ELFN2: variants seen among roughly 807,000 people sequenced by gnomAD.
ELFN2 encodes the protein extracellular leucine rich repeat and fibronectin type III domain containing 2, also known as protein phosphatase 1 regulatory subunit 29.
ELFN2 carries 17 observed loss-of-function variants against 45.5 expected under a neutral mutation model. The ratio of observed to expected loss-of-function variants is 0.37; its 90% confidence interval spans 0.26 to 0.56. ELFN2 has a LOEUF of 0.56. Among genes scored for constraint, ELFN2 ranks in the 20% least tolerant of loss-of-function variants. The pLI, the probability that ELFN2 is intolerant of heterozygous loss-of-function variation, is 0.77. For missense variants in ELFN2, 922 were observed against 1,183.2 expected, an observed-to-expected ratio of 0.78 and a Z score of 3.24; for synonymous variants, 550 against 551.5, an observed-to-expected ratio of 1.00 and a Z score of 0.04.
intron 1 of ELFN2, among the ~76,000 whole-genome samples, chr22:37,419,136 T>C (rs1932789585): frequency 6.7e-6 from 1 of 150,290 alleles, no homozygotes; most frequent in Non-Finnish European, 1.5e-5. Context: ...CAACGGAAAA[T>C]AAACACACAC....
chr22:37,412,944 C>G (rs1338173239), intron 2 of ELFN2, among the ~76,000 whole-genome samples: 1 of 152,220 alleles, frequency 6.6e-6, no homozygotes, highest in African/African-American at 2.4e-5. Context: ...CCTCCCCTCT[C>G]CCTTCCCTTG....
rs1931412257 is a variant in ELFN2, at chr22:37,372,860, C to T, written c.*212G>A. 1.7e-6 allele frequency: 1 copy of T among 574,088 alleles called. No homozygotes were observed. The highest frequency in any genetic ancestry group is 3.3e-5 in the Admixed American group (1 of 29,972). The allele number at this position is 574,088 out of a possible 1,614,324, so 35.6% of individuals were successfully genotyped here. On this transcript the variant is annotated 3_prime_UTR_variant, in exon 3 of 3. Coordinates refer to ENST00000402918, the MANE Select transcript of ELFN2 (RefSeq NM_052906.5). This position sits in a 1 kb window ranked among gnomAD's most constrained non-coding sequence, Gnocchi z 4.4. The stretch of plus-strand genomic sequence containing the variant: ...TTTGTAAACTTTAAGGAAAATGTGT[C>T]TCTGTTTTCCTGTCCGTTATTGTCG...
chr22:37,365,744 G>A (rs1931188955), downstream of ELFN2, among the ~76,000 whole-genome samples: 1 of 152,186 alleles, frequency 6.6e-6, no homozygotes, highest in African/African-American at 2.4e-5. Context: ...CTGGGGCCCA[G>A]CCAGCAGAGA....
At chr22:37,350,438 C>G (rs1295157522) in intron 1 of ELFN2, among the ~76,000 whole-genome samples, 2 of 150,482 alleles carry the variant, frequency 1.3e-5, no homozygotes, top group African/African-American at 4.8e-5. Flanking sequence ...TGAGCTCTGG[C>G]CACCCAGGGG....
At chr22:37,415,728 T>C (rs1001125527) in intron 2 of ELFN2, among the ~76,000 whole-genome samples, 1 of 152,080 alleles carries the variant, frequency 6.6e-6, no homozygotes, top group African/African-American at 2.4e-5. Context: ...TTTGGGAGGC[T>C]GAGGCGGGTG....
rs1285552872 is a variant in ELFN2 at position 37,373,045 on chromosome 22, C to T, written c.*27G>A. The T allele has an allele frequency of 1.6e-5, 25 of 1,561,870 alleles. No homozygotes were observed. The highest frequency in any genetic ancestry group is 1.7e-4 in the Middle Eastern group (1 of 5,856). On this transcript the variant is annotated 3_prime_UTR_variant, in exon 3 of 3. Transcript: ENST00000402918. ...CAAAAGGCCCCCAGCCCTCTGGCTC[C>T]GACCTCACCAGGGAGGAAGGGGGGG...
chr22:37,405,920 T>C (rs978039644), intron 2 of ELFN2, among the ~76,000 whole-genome samples: 14 of 152,012 alleles, frequency 9.2e-5, no homozygotes, highest in African/African-American at 3.1e-4. Context: ...GAGGATCACT[T>C]GAGCCCAGGA....
In ELFN2 at chr22:37,373,979, T is replaced by G. The variant is rs560850924; in HGVS notation, c.1556A>C (p.Asp519Ala). The G allele has an allele frequency of 1.2e-6, 2 of 1,612,964 alleles. No individual in the cohort carries two copies. Among genetic ancestry groups the G allele is most frequent in the African/African-American group, 2.7e-5 (2 of 75,042 alleles). Reference sequence around the variant, plus strand: ...GCCGTTCTCGAGGTCCGGGAGGTCATCCTCGGGCCGAGCCAGACCGTCCCC... The same window carrying G: ...GCCGTTCTCGAGGTCCGGGAGGTCAGCCTCGGGCCGAGCCAGACCGTCCCC... ...AGGDGLARPE[D>A]DLPDLENGQG... Residue 519 changes from aspartate to alanine, a missense_variant, in exon 3 of 3, where the codon GAT (aspartate) becomes GCT (alanine). Physicochemically the swap from Asp to Ala is moderately radical, Grantham distance 126. Transcript: ENST00000402918.
chr22:37,418,884 A>G (rs133734), intron 1 of ELFN2: 51,229 of 152,146 alleles, frequency 0.34, 9,466 homozygotes, highest in Non-Finnish European at 0.42. Flanking sequence ...CTCCACCTGC[A>G]CAGACAGGCG....
intron 1 of ELFN2, among the ~76,000 whole-genome samples, chr22:37,349,592 C>T (rs752405158): frequency 1.3e-5 from 2 of 151,030 alleles, no homozygotes; most frequent in Non-Finnish European, 3.0e-5. Context: ...GACATCAGAT[C>T]TGCCAGCCCC....
chr22:37,413,055 T>C (rs555766111), intron 2 of ELFN2, among the ~76,000 whole-genome samples: 2 of 152,186 alleles, frequency 1.3e-5, no homozygotes, highest in Non-Finnish European at 2.9e-5. Context: ...TGCAACCGGG[T>C]GTGACACTCC....
intron 1 of ELFN2, among the ~76,000 whole-genome samples, chr22:37,344,512 C>T (rs1930648968): frequency 6.6e-6 from 1 of 152,018 alleles, no homozygotes; most frequent in Admixed American, 6.5e-5. Context: ...CCCCTGCTGC[C>T]CCCACACAGG....
chr22:37,381,464 C>T (rs775353267), intron 2 of ELFN2, among the ~76,000 whole-genome samples: 24 of 152,084 alleles, frequency 1.6e-4, no homozygotes, highest in Non-Finnish European at 2.8e-4. Flanking sequence ...CTTTGCTCTT[C>T]TCTCTGCCTG....
At chr22:37,425,777 A>G (rs2145696443) in intron 1 of ELFN2, among the ~76,000 whole-genome samples, 1 of 152,148 alleles carries the variant, frequency 6.6e-6, no homozygotes, top group African/African-American at 2.4e-5. Flanking sequence ...GGGGACACAC[A>G]TGCCCACATG....
At chr22:37,349,844 A>G (rs958842790) in intron 1 of ELFN2, among the ~76,000 whole-genome samples, 4 of 151,088 alleles carry the variant, frequency 2.6e-5, no homozygotes, top group African/African-American at 9.7e-5. Context: ...TGTCAGAGAG[A>G]GCAACATTGA....
chr22:37,350,597 G>A (rs1930799769), intron 1 of ELFN2, among the ~76,000 whole-genome samples: 1 of 150,528 alleles, frequency 6.6e-6, no homozygotes, highest in Non-Finnish European at 1.5e-5. Flanking sequence ...CCCCTCCCCG[G>A]GCCTGGTCCC....
chr22:37,414,567 T>C (rs974018093), intron 2 of ELFN2, among the ~76,000 whole-genome samples: 11 of 152,212 alleles, frequency 7.2e-5, no homozygotes, highest in Non-Finnish European at 1.5e-5. Flanking sequence ...GCGATGCAGC[T>C]TGAAGTGCAT....
At chr22:37,345,866 C>T (rs775474272) in intron 1 of ELFN2, among the ~76,000 whole-genome samples, 18 of 152,274 alleles carry the variant, frequency 1.2e-4, no homozygotes, top group Non-Finnish European at 2.2e-4. Flanking sequence ...TGCTTTTACC[C>T]TTGGCAGGGA....
intron 2 of ELFN2, among the ~76,000 whole-genome samples, chr22:37,379,974 T>C (rs1931704751): frequency 6.6e-6 from 1 of 152,184 alleles, no homozygotes; most frequent in Non-Finnish European, 1.5e-5. Context: ...CCTCTGTGAA[T>C]GACAGCCGCT....
Sources: gnomAD v4.1 joint callset for allele counts (sites outside exome capture counted in the v4.1 genomes callset) on GRCh38, gnomAD v4.1.1 for gene constraint, Gnocchi (gnomAD v3.1) non-coding constraint, MANE v1.5 for transcripts, NCBI Gene and HGNC (gene_info 2026-07-23, HGNC 2026-07-21) for gene names.